MTMR10: variants seen among roughly 807,000 people sequenced by gnomAD.
MTMR10 encodes myotubularin related protein 10.
MTMR10 carries 56 observed loss-of-function variants against 88.1 expected under a neutral mutation model. The ratio of observed to expected loss-of-function variants is 0.64; its 90% CI spans 0.51 to 0.79. The LOEUF is 0.79. MTMR10 is among the 30% of genes least tolerant of loss of function. The pLI is 0.00. For synonymous variants in MTMR10, 380 were observed against 340.9 expected, an observed-to-expected ratio of 1.11 and a Z score of -1.26; for missense variants, 883 against 924.7, an observed-to-expected ratio of 0.95 and a Z score of 0.58.
At position 30,953,649 on chromosome 15, in the gene MTMR10, C is replaced by A; in HGVS notation, c.1067-18G>T. ...AAAAGGCTCTGTAATAAATTATATA[C>A]ATACACATTTTTACTTTTTATTTTA... On this transcript the variant is annotated intron_variant, in intron 10 of 15. Coordinates refer to ENST00000435680, the MANE Select transcript of MTMR10 (RefSeq NM_017762.3). 1 of 1,463,188 alleles carries A rather than the reference C, an allele frequency of 6.8e-7. No homozygotes were observed. Among genetic ancestry groups the A allele is most frequent in the Non-Finnish European group, 9.3e-7 (1 of 1,072,752 alleles). The allele number at this position is 1,463,188 out of a possible 1,614,324, so 90.6% of individuals were successfully genotyped here.
the MTMR10 span, chr15:30,922,179 AT>A: frequency 6.3e-7 from 1 of 1,584,502 alleles, no homozygotes. Context: ...TGTAAATATC[AT>A]TGCAGCTGGA....
intron 6 of MTMR10, among the ~76,000 whole-genome samples, chr15:30,966,674 A>G (rs1426917055): frequency 6.6e-6 from 1 of 152,114 alleles, no homozygotes; most frequent in Non-Finnish European, 1.5e-5. Context: ...AAGTGAATTT[A>G]CTTAATATTA....
intron 14 of MTMR10, among the ~76,000 whole-genome samples, chr15:30,945,611 C>T (rs117676527): frequency 0.02 from 3,094 of 152,206 alleles, 35 homozygotes; most frequent in Non-Finnish European, 0.032. Context: ...GCAAACAAGG[C>T]CAGGGGGAAA....
intron 12 of MTMR10, among the ~76,000 whole-genome samples, chr15:30,951,201 C>T (rs2063240705): frequency 6.6e-6 from 1 of 152,222 alleles, no homozygotes. Context: ...TTTTACATCA[C>T]CGTTTATTCC....
chr15:30,955,471 C>T (rs1008325609), intron 9 of MTMR10, among the ~76,000 whole-genome samples: 14 of 152,160 alleles, frequency 9.2e-5, no homozygotes, highest in Non-Finnish European at 1.6e-4. Flanking sequence ...GGGGTTTCAC[C>T]ATGTTGGCCA....
Position 30,940,663 on chromosome 15 carries a change from C to T in MTMR10, c.*807G>A. On this transcript the variant is annotated 3_prime_UTR_variant, in exon 16 of 16. Transcript: ENST00000435680. ...TGTGGAATCAGCACCCCAGAGGCCACTCCCCAGTGGCTTTCAGAGGAACAA... is the reference window on the plus strand; with the variant it reads ...TGTGGAATCAGCACCCCAGAGGCCATTCCCCAGTGGCTTTCAGAGGAACAA... 1 of 986,644 alleles carries T rather than the reference C, an allele frequency of 1.0e-6. No individual in the cohort carries two copies. The highest frequency in any genetic ancestry group is 1.2e-6 in the Non-Finnish European group (1 of 830,880). The allele number at this position is 986,644 out of a possible 1,614,324, so 61.1% of individuals were successfully genotyped here. A position where few individuals can be genotyped will look rare whatever the true frequency, so the allele number is the denominator to read the frequency against.
intron 2 of MTMR10, among the ~76,000 whole-genome samples, chr15:30,980,880 G>GT (rs1321756960): frequency 6.6e-6 from 1 of 152,162 alleles, no homozygotes; most frequent in Non-Finnish European, 1.5e-5. Context: ...AAATTAAAAA[G>GT]TATCTGTGAA....
chr15:30,958,805 A>G, intron 9 of MTMR10, 58 bp downstream of exon 9: 1 of 1,544,028 alleles, frequency 6.5e-7, no homozygotes, highest in Non-Finnish European at 9.0e-7. Context: ...TAGGGAACTC[A>G]CTGTAGTTAC....
chr15:30,925,502 C>T, the MTMR10 span, among the ~76,000 whole-genome samples: 1 of 152,216 alleles, frequency 6.6e-6, no homozygotes, highest in Admixed American at 6.5e-5. Flanking sequence ...TGTGGTCACA[C>T]CCTGGGTTGA....
At chr15:30,944,905 A>C (rs377705008) in intron 14 of MTMR10, among the ~76,000 whole-genome samples, 298 of 151,670 alleles carry the variant, frequency 2.0e-3, no homozygotes, top group African/African-American at 6.8e-3. Flanking sequence ...CTAGCTACTC[A>C]GGTGGTTGAG....
In MTMR10 at chr15:30,966,366, G is replaced by C. The variant is rs148103886; in HGVS notation, c.565+1554C>G. ...GGAAAGTAACTGAAGCAGGCATCAG[G>C]TTACCAACTGTATAATGAAGTTTAC... On this transcript the variant is annotated intron_variant, in intron 6 of 15. Transcript: ENST00000435680. Among the ~76,000 whole-genome samples the C allele has an allele frequency of 1.5e-3, 232 of 152,294 alleles. 1 individual carries two copies. The Middle Eastern group carries it at 0.017, about 11-fold the overall frequency.
the MTMR10 span, chr15:30,926,597 A>C: frequency 1.0e-6 from 1 of 984,260 alleles, no homozygotes; most frequent in Non-Finnish European, 1.2e-6. Flanking sequence ...TAATATCTTT[A>C]TTACTTACAG....
chr15:30,947,991 T>G (rs1399207061), intron 13 of MTMR10, among the ~76,000 whole-genome samples: 1 of 152,230 alleles, frequency 6.6e-6, no homozygotes, highest in East Asian at 1.9e-4. Flanking sequence ...AATATGATAT[T>G]CCAAAAGTGA....
Position 30,941,035 on chromosome 15 carries a change from A to AAAAT in MTMR10, c.*431_*434dup. The AAAAT allele has an allele frequency of 8.5e-7, 1 of 1,169,906 alleles. No individual in the cohort carries two copies. The highest frequency in any genetic ancestry group is 1.1e-6 in the Non-Finnish European group (1 of 933,924). 72.5% of individuals were successfully genotyped at this position (1,169,906 alleles called of 1,614,324 possible). On this transcript the variant is annotated 3_prime_UTR_variant, in exon 16 of 16. Coordinates refer to ENST00000435680, the MANE Select transcript of MTMR10 (RefSeq NM_017762.3). ...TTAGAGACGACAGAAAGTAACCAGAAAAATACATGAATACTTCCTAAAACC... is the reference window on the plus strand; with the variant it reads ...TTAGAGACGACAGAAAGTAACCAGAAAAATAAATACATGAATACTTCCTAAAACC...
chr15:30,945,549 A>ATTGT (rs1555406819), intron 14 of MTMR10, among the ~76,000 whole-genome samples: 26 of 151,590 alleles, frequency 1.7e-4, no homozygotes, highest in African/African-American at 6.3e-4. Context: ...GCAGGCTCAC[A>ATTGT]CTGTGTGCGC....
chr15:30,971,407 A>G (rs1406275086), intron 5 of MTMR10, among the ~76,000 whole-genome samples: 1 of 152,176 alleles, frequency 6.6e-6, no homozygotes, highest in African/African-American at 2.4e-5. Context: ...AATCCAGGAA[A>G]CACTCAAACC....
chr15:30,929,917 ATATC>A, the MTMR10 span, among the ~76,000 whole-genome samples: 1 of 78,874 alleles, frequency 1.3e-5, no homozygotes, highest in Non-Finnish European at 2.2e-5. Flanking sequence ...TATATAATAT[ATATC>A]ATATATAATA....
chr15:30,979,840 C>T (rs2030436926), intron 2 of MTMR10, among the ~76,000 whole-genome samples: 1 of 152,190 alleles, frequency 6.6e-6, no homozygotes. Flanking sequence ...CTTAATGGGT[C>T]CAACGGATGG....
chr15:30,929,819 T>TAAAATATATAA, the MTMR10 span, among the ~76,000 whole-genome samples: 1 of 44,382 alleles, frequency 2.3e-5, no homozygotes, highest in African/African-American at 1.6e-4. Context: ...ATATAATATA[T>TAAAATATATAA]TATATCATAT....
Sources: allele counts gnomAD v4.1 joint callset (sites outside exome capture counted in the v4.1 genomes callset), GRCh38; gene constraint gnomAD v4.1.1; transcripts MANE v1.5; gene names NCBI Gene and HGNC (gene_info 2026-07-23, HGNC 2026-07-21).